Variants in BMP1 observed in about 807,000 individuals in gnomAD.
The protein encoded by BMP1 is mammalian tolloid protein.
Under a neutral mutation model 116.8 loss-of-function variants are expected in BMP1, and 63 were observed. The observed-to-expected ratio is 0.54, with a 90% CI of 0.44 to 0.67. The LOEUF is 0.67. BMP1 is among the 30% of genes least tolerant of loss of function. The probability of loss-of-function intolerance (pLI) is 0.00; values close to 1 mark genes in which losing one functional copy is unlikely to be tolerated. For missense variants in BMP1, 1,183 were observed against 1,358.9 expected (o/e 0.87, Z 2.04); for synonymous variants, 536 against 533.4 (o/e 1.00, Z -0.07).
chr8:22,173,118 G>C (rs1407204805), intron 1 of BMP1, among the ~76,000 whole-genome samples: 1 of 152,140 alleles, frequency 6.6e-6, no homozygotes, highest in African/African-American at 2.4e-5. Flanking sequence ...CTAATAACTA[G>C]GGTATTGTCT....
At chr8:22,187,032 T>A (rs1021605969) in intron 8 of BMP1, among the ~76,000 whole-genome samples, 4 of 152,112 alleles carry the variant, frequency 2.6e-5, no homozygotes, top group Non-Finnish European at 5.9e-5. Context: ...AGAGACAGAG[T>A]CTTACTCTGT....
chr8:22,209,685 G>A lies in BMP1; in HGVS notation c.2816G>A (p.Cys939Tyr). ...DSTAPRLGRY[C>Y]GSGPPEEVYS... ...ACAGCCCCCAGGCTGGGGCGCTACT[G>A]TGGCTCAGGGGTGAGGCCCCCACCC... Residue 939 changes from cysteine (C) to tyrosine (Y), a missense_variant, in exon 19 of 20, where the codon TGT becomes TAT. Transcript: ENST00000306385. 6.2e-7 allele frequency: 1 copy of A among 1,613,668 alleles called. No individual in the cohort carries two copies. The highest frequency in any genetic ancestry group is 2.2e-5 in the East Asian group (1 of 44,840).
At position 22,199,126 on chromosome 8, in the gene BMP1, CACGGAG is replaced by C. The variant is rs781222372; in HGVS notation, c.2107+1709_2107+1714del. 1.2e-5 allele frequency: 16 copies of C among 1,367,594 alleles called. No individual in the cohort carries two copies. The South Asian group carries it at 1.8e-4, about 16-fold the overall frequency. 84.7% of individuals were successfully genotyped at this position (1,367,594 alleles called of 1,614,324 possible). The stretch of plus-strand genomic sequence containing the variant: ...TGTGCCCGCCCCACCCTCAGCCCTG[CACGGAG>C]ACACACACGCCCACACGCACACACA... On this transcript the variant is annotated intron_variant, in intron 15 of 19. Transcript: ENST00000306385.
chr8:22,190,725 A>G (rs1428889284), intron 8 of BMP1, among the ~76,000 whole-genome samples: 1 of 152,210 alleles, frequency 6.6e-6, no homozygotes, highest in African/African-American at 2.4e-5. Context: ...ACTAGCATTG[A>G]TGCTGGCTAC....
chr8:22,171,303 G>A (rs1252098669), intron 1 of BMP1: 1 of 152,236 alleles, frequency 6.6e-6, no homozygotes, highest in Non-Finnish European at 1.5e-5. Flanking sequence ...TAGCCACTTA[G>A]GTTATCTCTC....
At chr8:22,199,140 C>A in intron 15 of BMP1, 3 of 1,367,676 alleles carry the variant, frequency 2.2e-6, no homozygotes, top group Non-Finnish European at 2.9e-6. Context: ...GAGACACACA[C>A]GCCCACACGC....
rs73549580 is a variant in BMP1 at position 22,173,692 on chromosome 8, G to A, written c.239G>A (p.Arg80His). Residue 80 changes from arginine (R) to histidine (H), a missense_variant, in exon 2 of 20, where the codon CGT becomes CAT. Physicochemically the swap from Arg to His is conservative, Grantham distance 29. Around this residue, in one of 4 missense-constraint regions of BMP1, gnomAD observed 185 missense variants for 158.9 expected, o/e 1.16. Transcript: ENST00000306385. ...GTGGATCTCAGACGGCACACAGCTC[G>A]TAAGTCCTCCATCAAAGCTGCAGGT... is the stretch of plus-strand genomic sequence containing the variant. ...QAVDLRRHTA[R>H]KSSIKAAVPG... 272 of 1,612,892 alleles carry A rather than the reference G, an allele frequency of 1.7e-4. No individual in the cohort carries two copies. The Middle Eastern group carries it at 2.5e-3, about 15-fold the overall frequency.
intron 4 of BMP1, 120 bp downstream of exon 4, chr8:22,176,770 T>C (rs1352531285): frequency 1.7e-6 from 2 of 1,151,742 alleles, no homozygotes; most frequent in African/African-American, 1.5e-5. Context: ...CCTCCTGCTA[T>C]GGGGCATCTA....
intron 15 of BMP1, chr8:22,199,236 C>T (rs1345789686): frequency 7.3e-7 from 1 of 1,367,528 alleles, no homozygotes; most frequent in South Asian, 1.1e-5. Flanking sequence ...GCCCTCAGGG[C>T]CCGGGGCATC....
chr8:22,210,322 AG>A (rs1244537211), intron 19 of BMP1, among the ~76,000 whole-genome samples: 2 of 146,276 alleles, frequency 1.4e-5, no homozygotes, highest in Admixed American at 6.8e-5. Flanking sequence ...CCTCGTGGGG[AG>A]GATTTATTTT....
rs199719511 is a variant in BMP1 at position 22,166,214 on chromosome 8, A to G, written c.148+661A>G. Among the ~76,000 whole-genome samples the G allele has an allele frequency of 1.1e-3, 166 of 152,148 alleles. 3 individuals are homozygous for G. Among genetic ancestry groups the G allele is most frequent in the Non-Finnish European group, 4.9e-4 (33 of 67,972 alleles). On this transcript the variant is annotated intron_variant, in intron 1 of 19. Transcript: ENST00000306385. Reference sequence around the variant, plus strand: ...AGAAGCCAACCCAGAAGGGGGACTTAACTTTGTCCCTATGTGCCCAGAGAC... The same window carrying G: ...AGAAGCCAACCCAGAAGGGGGACTTGACTTTGTCCCTATGTGCCCAGAGAC...
Position 22,177,990 on chromosome 8 carries a change from C to G in BMP1, c.836+33C>G, listed in dbSNP as rs553908444. ...ACGGGATTGGGGCTGGGCCTCTGCT[C>G]GGGCAGCCCCACCCTGCCCTCTGTA... is the stretch of plus-strand genomic sequence containing the variant. On this transcript the variant is annotated intron_variant, in intron 6 of 19. Transcript: ENST00000306385. 4.4e-5 allele frequency: 66 copies of G among 1,516,474 alleles called. 1 individual carries two copies. In the South Asian group the frequency reaches 7.5e-4, roughly 17 times the overall value. The allele number at this position is 1,516,474 out of a possible 1,614,324, so 93.9% of individuals were successfully genotyped here. A position where few individuals can be genotyped will look rare whatever the true frequency, so the allele number is the denominator to read the frequency against.
intron 13 of BMP1, 172 bp from the exon 14 acceptor site, chr8:22,196,486 ACAGGCCCACCCCTGAGGACACC>A (rs1264201470): frequency 2.9e-6 from 2 of 695,680 alleles, no homozygotes; most frequent in Admixed American, 2.5e-5. Flanking sequence ...ACTCCTCCCT[ACAGGCCCACCCCTGAGGACACC>A]CAGGCCACCC....
chr8:22,196,828 A>G lies in BMP1; in HGVS notation c.1914A>G (p.Thr638=). Residue 638 remains threonine (T), a synonymous_variant, in exon 14 of 20, where the codon ACA becomes ACG. Transcript: ENST00000306385. The stretch of plus-strand genomic sequence containing the variant: ...CCCTGCAGTTTGACTTCTTTGAGAC[A>G]GAGGGCAATGATGTAAGTGCCCACC... The part of the protein sequence containing the change: ...RISLQFDFFE[T]EGNDVCKYDF... 6.2e-7 allele frequency: 1 copy of G among 1,613,454 alleles called. No homozygotes were observed. Among genetic ancestry groups the G allele is most frequent in the East Asian group, 2.2e-5 (1 of 44,880 alleles).
In BMP1 at chr8:22,176,166, A is replaced by C; in HGVS notation, c.286A>C (p.Ser96Arg). 4 of 1,614,138 alleles carry C rather than the reference A, an allele frequency of 2.5e-6. No homozygotes were observed. The highest frequency in any genetic ancestry group is 3.4e-6 in the Non-Finnish European group (4 of 1,180,022). Residue 96 changes from serine to arginine, a missense_variant, in exon 3 of 20, where the codon AGC becomes CGC. This residue lies in a region of BMP1 where 185 missense variants were observed against 158.9 expected (regional missense o/e 1.16). Transcript: ENST00000306385. ...AGTTCCAGGAAACACTTCTACCCCC[A>C]GCTGCCAGAGCACCAACGGGCAGCC... ...AAVPGNTSTP[S>R]CQSTNGQPQR...
chr8:22,192,014 G>A, intron 8 of BMP1, 35 bp from the exon 9 acceptor site: 1 of 1,567,360 alleles, frequency 6.4e-7, no homozygotes, highest in Non-Finnish European at 8.8e-7. Flanking sequence ...CAATGTTCGG[G>A]ACAGCTTAAC....
intron 19 of BMP1, among the ~76,000 whole-genome samples, chr8:22,210,175 G>A: frequency 6.6e-6 from 1 of 152,212 alleles, no homozygotes; most frequent in East Asian, 1.9e-4. Context: ...CCTGATGAAA[G>A]GCCAGCTTGT....
Position 22,210,642 on chromosome 8 carries a change from GC to G in BMP1, c.2826+948del, listed in dbSNP as rs1185182489. Among the ~76,000 whole-genome samples, 3 of 152,260 alleles carry G rather than the reference GC, an allele frequency of 2.0e-5. No homozygotes were observed. The East Asian group carries it at 5.8e-4, about 29-fold the overall frequency. ...GCAGCAGCTGCTGGACCCAGCATTGGCTGAACCTCCCCCAGGAGCAGAGCTT... is the reference window on the plus strand; with the variant it reads ...GCAGCAGCTGCTGGACCCAGCATTGGTGAACCTCCCCCAGGAGCAGAGCTT... On this transcript the variant is annotated intron_variant, in intron 19 of 19. Coordinates refer to ENST00000306385, the MANE Select transcript of BMP1 (RefSeq NM_006129.5).
intron 19 of BMP1, among the ~76,000 whole-genome samples, chr8:22,210,914 C>T (rs1426757653): frequency 1.3e-5 from 2 of 152,256 alleles, no homozygotes; most frequent in African/African-American, 4.8e-5. Context: ...CCTCAAGGTT[C>T]TCAGAAATGA....
Sources: allele counts gnomAD v4.1 joint callset (sites outside exome capture counted in the v4.1 genomes callset), GRCh38; gene constraint gnomAD v4.1.1; regional missense constraint gnomAD v4.1.1; transcripts MANE v1.5; gene names NCBI Gene and HGNC (gene_info 2026-07-23, HGNC 2026-07-21).